STARD8: variants seen among roughly 807,000 people sequenced by gnomAD.
The protein encoded by STARD8 is StAR related lipid transfer domain containing 8.
In STARD8, 25 loss-of-function variants were observed where a neutral mutation model predicts 69.4. That is an observed-to-expected ratio of 0.36 (90% CI 0.26 to 0.50). The LOEUF is 0.50. Among genes scored for constraint, STARD8 ranks in the 20% least tolerant of loss-of-function variants. The pLI is 0.96. For missense variants in STARD8, 921 were observed against 932.5 expected, an observed-to-expected ratio of 0.99 and a Z score of 0.16; for synonymous variants, 389 against 374.6, an observed-to-expected ratio of 1.04 and a Z score of -0.45.
chrX:68,716,298 T>A, intron 4 of STARD8, 70 bp from the exon 5 acceptor site: 1 of 996,807 alleles, frequency 1.0e-6, no homozygotes, highest in South Asian at 2.2e-5. Flanking sequence ...AAGTGGCAGG[T>A]GCATCTTGGT....
chrX:68,653,425 A>ACC (rs2079586786), intron 1 of STARD8, among the ~76,000 whole-genome samples: 1 of 47,052 alleles, frequency 2.1e-5, no homozygotes. Flanking sequence ...CACCACACAC[A>ACC]CCACACACCA....
chrX:68,718,896 G>A (rs2080122156), intron 6 of STARD8, among the ~76,000 whole-genome samples: 1 of 111,130 alleles, frequency 9.0e-6, no homozygotes, highest in African/African-American at 3.3e-5. Context: ...TGCTAGAGGA[G>A]ATGGTCTCTG....
At position 68,717,917 on chromosome X, in the gene STARD8, C is replaced by T. The variant is rs1408192612; in HGVS notation, c.1003C>T (p.Arg335Trp). 3.3e-6 allele frequency: 4 copies of T among 1,206,736 alleles called. No individual in the cohort carries two copies. Among genetic ancestry groups the T allele is most frequent in the Admixed American group, 2.2e-5 (1 of 45,590 alleles). The change falls in exon 6 of 15, where the codon CGG (arginine) becomes TGG (tryptophan). Residue 335 changes from arginine to tryptophan, a missense_variant. Arg to Trp is a moderately radical substitution (Grantham distance 101). Coordinates refer to ENST00000374599, the MANE Select transcript of STARD8 (RefSeq NM_001142503.3). Reference sequence around the variant, plus strand: ...CCTGGCAGACTGGCAGCCAGGTAGGCGGTGGGGCTGTGAGGGGCGCCGGGG... The same window carrying T: ...CCTGGCAGACTGGCAGCCAGGTAGGTGGTGGGGCTGTGAGGGGCGCCGGGG... ...HRLADWQPGR[R>W]WGCEGRRGSC...
At chrX:68,651,434 G>C (rs1422416445) in intron 1 of STARD8, among the ~76,000 whole-genome samples, 1 of 112,229 alleles carries the variant, frequency 8.9e-6, no homozygotes, top group Non-Finnish European at 1.9e-5. Context: ...AGAAAGGCAG[G>C]CTCTCTGGGC....
chrX:68,707,708 G>A (rs1569367395), intron 2 of STARD8, among the ~76,000 whole-genome samples: 1 of 111,478 alleles, frequency 9.0e-6, no homozygotes, highest in Non-Finnish European at 1.9e-5. Context: ...ATGTCCCTGT[G>A]ACATCCATCC....
At chrX:68,665,601 G>A (rs1283341043) in intron 2 of STARD8, 69 bp downstream of exon 2, 5 of 1,102,898 alleles carry the variant, frequency 4.5e-6, no homozygotes, top group Non-Finnish European at 6.2e-6. Flanking sequence ...TCCTCATGGG[G>A]CAACCGATCA....
At chrX:68,713,712 T>G (rs1309763696) in intron 3 of STARD8, among the ~76,000 whole-genome samples, 1 of 112,170 alleles carries the variant, frequency 8.9e-6, no homozygotes, top group Non-Finnish European at 1.9e-5. Flanking sequence ...CCCAGGGCTC[T>G]GTCCGGGGCC....
At chrX:68,665,664 C>G in intron 2 of STARD8, 132 bp downstream of exon 2, 2 of 652,696 alleles carry the variant, frequency 3.1e-6, no homozygotes, top group Non-Finnish European at 2.4e-6. Flanking sequence ...GAGACATCCT[C>G]TCTGTCTCCC....
At chrX:68,682,196 A>G (rs2079805573) in intron 2 of STARD8, among the ~76,000 whole-genome samples, 4 of 111,093 alleles carry the variant, frequency 3.6e-5, no homozygotes, top group Admixed American at 2.9e-4. Context: ...ATGGGGTTTC[A>G]CCATGTTGGC....
At chrX:68,707,481 A>C (rs1480620501) in intron 2 of STARD8, among the ~76,000 whole-genome samples, 4 of 111,720 alleles carry the variant, frequency 3.6e-5, no homozygotes, top group African/African-American at 1.3e-4. Context: ...GGTGGTCTTT[A>C]TCTCAGGCTG....
intron 2 of STARD8, among the ~76,000 whole-genome samples, chrX:68,668,345 T>C (rs774254026): frequency 9.8e-6 from 1 of 101,559 alleles, no homozygotes; most frequent in Non-Finnish European, 2.0e-5. Context: ...TTTTTTTCTA[T>C]GAGACACGGT....
At position 68,668,213 on chromosome X, in the gene STARD8, CCTT is replaced by C. The variant is rs1391160196; in HGVS notation, c.79+2688_79+2690del. On this transcript the variant is annotated intron_variant, in intron 2 of 14. Coordinates refer to ENST00000374599, the MANE Select transcript of STARD8 (RefSeq NM_001142503.3). ...ACCCTTCCTTCCTTCCTTCCCTCCT[CCTT>C]CTTCTTTCTCTTTTTTCTCCTCTTT... Among the ~76,000 whole-genome samples, 5 of 99,743 alleles carry C rather than the reference CCTT, an allele frequency of 5.0e-5. No individual in the cohort carries two copies. The South Asian group carries it at 2.0e-3, about 40-fold the overall frequency. The allele number at this position is 99,743 out of a possible 115,157, so 86.6% of individuals were successfully genotyped here.
chrX:68,715,445 TC>T, intron 4 of STARD8, 70 bp downstream of exon 4: 2 of 933,515 alleles, frequency 2.1e-6, no homozygotes, highest in Non-Finnish European at 2.9e-6. Flanking sequence ...GAAAAAAACA[TC>T]CCTTGTACCC....
intron 11 of STARD8, 103 bp downstream of exon 11, chrX:68,722,264 C>T (rs996651564): frequency 2.4e-6 from 2 of 846,806 alleles, no homozygotes; most frequent in Non-Finnish European, 3.3e-6. Context: ...TTGACACATA[C>T]CCCTCAAGCT....
Position 68,718,020 on chromosome X carries a change from T to A in STARD8, c.1106T>A (p.Val369Asp). The A allele has an allele frequency of 1.7e-6, 2 of 1,210,252 alleles. No homozygotes were observed. The highest frequency in any genetic ancestry group is 2.2e-6 in the Non-Finnish European group (2 of 894,884). ...CTGTACCCAGCTGAGCCTGTAATGG[T>A]TGGGGCTGAGGCTGAAGATGAAGAT... ...PELYPAEPVMVGAEAEDEDDE... is the reference protein window; with the variant it reads ...PELYPAEPVMDGAEAEDEDDE... Residue 369 changes from valine (V) to aspartate (D), a missense_variant, in exon 6 of 15, where the codon GTT (valine) becomes GAT (aspartate). By Grantham distance (152) the Val-to-Asp change is radical. Coordinates refer to ENST00000374599, the MANE Select transcript of STARD8 (RefSeq NM_001142503.3).
At position 68,723,825 on chromosome X, in the gene STARD8, G is replaced by A. The variant is rs761704562; in HGVS notation, c.2999G>A (p.Arg1000His). ...GACAGCATGGCACCCCATCCCTGCC[G>A]CGACTTTGTGGTGCTTCGGTGAGGG... ...VTDSMAPHPCRDFVVLRMWRS... is the reference protein window; with the variant it reads ...VTDSMAPHPCHDFVVLRMWRS... The change falls in exon 13 of 15, where the codon CGC becomes CAC. Residue 1000 changes from arginine (R) to histidine (H), a missense_variant. Coordinates refer to ENST00000374599, the MANE Select transcript of STARD8 (RefSeq NM_001142503.3). 2.3e-5 allele frequency: 27 copies of A among 1,191,597 alleles called. No homozygotes were observed. The South Asian group carries it at 2.9e-4, about 13-fold the overall frequency.
Position 68,722,442 on chromosome X carries a change from G to A in STARD8, c.2595G>A (p.Leu865=). The change falls in exon 12 of 15, where the codon CTG becomes CTA. Residue 865 remains leucine (L), a synonymous_variant. Coordinates refer to ENST00000374599, the MANE Select transcript of STARD8 (RefSeq NM_001142503.3). ...CTCAGGTGCCCCAGGACATGGTGCTGCAGCTGTGCAGCTCCTACAGCGCAG... is the reference window on the plus strand; with the variant it reads ...CTCAGGTGCCCCAGGACATGGTGCTACAGCTGTGCAGCTCCTACAGCGCAG... ...KLFQVPQDMV[L]QLCSSYSAAE... is the part of the protein sequence containing the mutation. 1 of 1,203,004 alleles carries A rather than the reference G, an allele frequency of 8.3e-7. No homozygotes were observed. The highest frequency in any genetic ancestry group is 1.1e-6 in the Non-Finnish European group (1 of 891,641).
chrX:68,653,091 AC>A (rs1265946084), intron 1 of STARD8, among the ~76,000 whole-genome samples: 2 of 37,253 alleles, frequency 5.4e-5, no homozygotes, highest in African/African-American at 1.3e-4. Context: ...CACACCACAC[AC>A]CACACACACC....
Position 68,717,660 on chromosome X carries a change from G to A in STARD8, c.746G>A (p.Arg249His), listed in dbSNP as rs141485067. The A allele has an allele frequency of 1.2e-4, 142 of 1,210,777 alleles. No homozygotes were observed. The highest frequency in any genetic ancestry group is 6.5e-4 in the Admixed American group (30 of 45,951). ...VSKASSFRSC[R>H]GFLSAGFYRA... ...AAAGCCTCATCTTTCCGCAGTTGTC[G>A]TGGCTTCCTCTCAGCTGGATTTTAC... Residue 249 changes from arginine (R) to histidine (H), a missense_variant, in exon 6 of 15, where the codon CGT (arginine) becomes CAT (histidine). Physicochemically the swap from Arg to His is conservative, Grantham distance 29. Transcript: ENST00000374599.
Sources: allele counts gnomAD v4.1 joint callset (sites outside exome capture counted in the v4.1 genomes callset), GRCh38; gene constraint gnomAD v4.1.1; transcripts MANE v1.5; gene names NCBI Gene and HGNC (gene_info 2026-07-23, HGNC 2026-07-21).